MAD1L1: variants seen among roughly 807,000 people sequenced by gnomAD.
The protein encoded by MAD1L1 is mitotic arrest deficient 1 like 1, also known as mitotic spindle assembly checkpoint protein MAD1.
Under a neutral mutation model 96.9 loss-of-function variants are expected in MAD1L1, and 95 were observed. The ratio of observed to expected loss-of-function variants is 0.98; its 90% CI spans 0.83 to 1.16. The LOEUF is 1.16. Ranked by LOEUF, MAD1L1 falls within the 50% of genes most tolerant of loss-of-function variation. The pLI is 0.00. For missense variants in MAD1L1, 1,007 were observed against 954.4 expected, an observed-to-expected ratio of 1.06 and a Z score of -0.73; for synonymous variants, 473 against 396.6, an observed-to-expected ratio of 1.19 and a Z score of -2.29.
At chr7:1,829,294 G>C (rs1782585124) in intron 18 of MAD1L1, among the ~76,000 whole-genome samples, 2 of 152,186 alleles carry the variant, frequency 1.3e-5, no homozygotes, top group Non-Finnish European at 1.5e-5. Context: ...CTGCAGTCAC[G>C]TCACAGCAGC....
At chr7:1,873,001 T>G (rs1043154768) in intron 18 of MAD1L1, among the ~76,000 whole-genome samples, 3 of 152,178 alleles carry the variant, frequency 2.0e-5, no homozygotes, top group Non-Finnish European at 4.4e-5. Context: ...CTTTGGGGAC[T>G]TTATCCCCAG....
chr7:1,955,472 G>A (rs963738289), intron 16 of MAD1L1, among the ~76,000 whole-genome samples: 13 of 152,188 alleles, frequency 8.5e-5, no homozygotes, highest in African/African-American at 3.1e-4. Flanking sequence ...TGTATTTTTA[G>A]TAGAGGCAGG....
chr7:1,881,477 C>T (rs1384563234), intron 18 of MAD1L1, among the ~76,000 whole-genome samples: 3 of 152,150 alleles, frequency 2.0e-5, no homozygotes, highest in Non-Finnish European at 2.9e-5. Context: ...TCTGTGTGGA[C>T]AGATGATTGC....
At chr7:1,938,423 A>G (rs1182070143) in intron 16 of MAD1L1, among the ~76,000 whole-genome samples, 1 of 152,232 alleles carries the variant, frequency 6.6e-6, no homozygotes, top group African/African-American at 2.4e-5. Flanking sequence ...GAAAAAAAAA[A>G]GAGTACAACT....
At chr7:2,020,008 C>G (rs537497850) in intron 12 of MAD1L1, among the ~76,000 whole-genome samples, 2 of 152,238 alleles carry the variant, frequency 1.3e-5, no homozygotes, top group East Asian at 3.9e-4. Context: ...CTTAAGCACA[C>G]GTTACCTCAT....
chr7:2,155,262 G>A (rs1455059784), intron 10 of MAD1L1, among the ~76,000 whole-genome samples: 1 of 152,192 alleles, frequency 6.6e-6, no homozygotes. Flanking sequence ...CACCACACCT[G>A]GCCACGGTGG....
intron 14 of MAD1L1, among the ~76,000 whole-genome samples, chr7:1,985,032 G>A (rs899619655): frequency 1.3e-5 from 2 of 152,206 alleles, no homozygotes; most frequent in African/African-American, 4.8e-5. Context: ...TAACTAGTCA[G>A]ATACATCATC....
intron 13 of MAD1L1, among the ~76,000 whole-genome samples, chr7:2,004,138 G>T (rs1041343807): frequency 6.6e-6 from 1 of 152,098 alleles, no homozygotes; most frequent in Non-Finnish European, 1.5e-5. Flanking sequence ...CCTACACCCC[G>T]CCCAGGTCTA....
chr7:2,105,968 AGCCCTGCCCCTGCCCCTGCCCCACATATG>A (rs1192926167), intron 11 of MAD1L1, among the ~76,000 whole-genome samples: 1 of 151,732 alleles, frequency 6.6e-6, no homozygotes, highest in East Asian at 1.9e-4. Flanking sequence ...CCAACACCTC[AGCCCTGCCCCTGCCCCTGCCCCACATATG>A]GCCCCGCCCC....
At chr7:2,218,559 C>T (rs1195877024) in intron 6 of MAD1L1, among the ~76,000 whole-genome samples, 3 of 152,208 alleles carry the variant, frequency 2.0e-5, no homozygotes, top group African/African-American at 4.8e-5. Flanking sequence ...TGTGCCTGGA[C>T]ATCCCTTCCC....
intron 18 of MAD1L1, among the ~76,000 whole-genome samples, chr7:1,885,401 T>C (rs1223757718): frequency 3.3e-5 from 5 of 152,140 alleles, no homozygotes; most frequent in East Asian, 1.9e-4. Flanking sequence ...AACGAGGGCT[T>C]TGAAGCTCAA....
intron 4 of MAD1L1, among the ~76,000 whole-genome samples, chr7:2,222,968 G>A (rs142440570): frequency 1.2e-4 from 19 of 152,346 alleles, no homozygotes; most frequent in African/African-American, 3.8e-4. Flanking sequence ...AGCACTGTGC[G>A]AGGTCAGGGC....
At chr7:2,121,860 G>A (rs1322199193) in intron 11 of MAD1L1, among the ~76,000 whole-genome samples, 2 of 152,218 alleles carry the variant, frequency 1.3e-5, no homozygotes, top group African/African-American at 2.4e-5. Flanking sequence ...ACCGGGCAGG[G>A]GCTGGCACAG....
chr7:1,885,751 C>G (rs535503512), intron 18 of MAD1L1, among the ~76,000 whole-genome samples: 1 of 152,200 alleles, frequency 6.6e-6, no homozygotes, highest in Non-Finnish European at 1.5e-5. Context: ...CCCGAGGGCT[C>G]GGCAGCCCGG....
At chr7:2,217,917 G>T in intron 7 of MAD1L1, 45 bp downstream of exon 7, 1 of 1,528,058 alleles carries the variant, frequency 6.5e-7, no homozygotes, top group Non-Finnish European at 9.1e-7. Flanking sequence ...GAGAGTCAAG[G>T]CCACCACAGG....
rs111523326 is a variant in MAD1L1 at position 1,927,411 on chromosome 7, G to C, written c.1807+9276C>G. ...AATCTTGTCCATAAAGTGGGGGATTGTGCTGCTGATTTCGAGACTTACTAC... is the reference window on the plus strand; with the variant it reads ...AATCTTGTCCATAAAGTGGGGGATTCTGCTGCTGATTTCGAGACTTACTAC... On this transcript the variant is annotated intron_variant, in intron 17 of 18. Coordinates refer to ENST00000265854, the MANE Select transcript of MAD1L1 (RefSeq NM_001013836.2). Among the ~76,000 whole-genome samples, 1,075 of 152,328 alleles carry C rather than the reference G, an allele frequency of 7.1e-3. 8 individuals are homozygous for C. Among genetic ancestry groups the C allele is most frequent in the Middle Eastern group, 0.054 (16 of 294 alleles).
intron 16 of MAD1L1, among the ~76,000 whole-genome samples, chr7:1,956,258 G>A (rs568875033): frequency 4.6e-5 from 7 of 152,166 alleles, no homozygotes; most frequent in Non-Finnish European, 8.8e-5. Flanking sequence ...GGGTGTAATC[G>A]CAGGGGGTGT....
intron 18 of MAD1L1, among the ~76,000 whole-genome samples, chr7:1,827,504 G>T (rs1317963454): frequency 7.1e-6 from 1 of 141,452 alleles, no homozygotes; most frequent in East Asian, 2.1e-4. Context: ...CCCGTCCCGG[G>T]TGTGGGGTCC....
chr7:2,157,925 G>A (rs982761208), intron 10 of MAD1L1, among the ~76,000 whole-genome samples: 9 of 152,226 alleles, frequency 5.9e-5, no homozygotes, highest in Non-Finnish European at 1.0e-4. Context: ...GTATTATTAC[G>A]GCCTAAGAAT....
Sources: gnomAD v4.1 joint callset for allele counts (sites outside exome capture counted in the v4.1 genomes callset) on GRCh38, gnomAD v4.1.1 for gene constraint, MANE v1.5 for transcripts, NCBI Gene and HGNC (gene_info 2026-07-23, HGNC 2026-07-21) for gene names.